EREG: variants seen among roughly 807,000 people sequenced by gnomAD.
EREG encodes the protein proepiregulin.
In EREG, 23 loss-of-function variants were observed where a neutral mutation model predicts 22.4. The observed-to-expected ratio is 1.03, with a 90% CI of 0.74 to 1.46. EREG has a LOEUF of 1.46. Among genes scored for constraint, EREG ranks in the 40% most tolerant of loss-of-function variants. EREG has a pLI of 0.00. For synonymous variants in EREG, 100 were observed against 75.4 expected, an observed-to-expected ratio of 1.33 and a Z score of -1.69; for missense variants, 226 against 205.9, an observed-to-expected ratio of 1.10 and a Z score of -0.60.
intron 1 of EREG, among the ~76,000 whole-genome samples, chr4:74,372,304 G>A (rs1436784301): frequency 6.6e-6 from 1 of 152,182 alleles, no homozygotes; most frequent in South Asian, 2.1e-4. Context: ...AATTAATTTC[G>A]AGTCTTTTGA....
intron 1 of EREG, among the ~76,000 whole-genome samples, chr4:74,367,860 C>A (rs1752213681): frequency 6.6e-6 from 1 of 152,136 alleles, no homozygotes; most frequent in Admixed American, 6.6e-5. Flanking sequence ...GTGTCTGATT[C>A]AGCACTAAGA....
At position 74,386,563 on chromosome 4, in the gene EREG, T is replaced by C. The variant is rs1465915824; in HGVS notation, c.*1755T>C. On this transcript the variant is annotated 3_prime_UTR_variant, in exon 5 of 5. Transcript: ENST00000244869. ...TTTGGTGCTCTGCTAACCATTTATATAAAACTTAAAAACAAGAGAAAAGAA... is the reference window on the plus strand; with the variant it reads ...TTTGGTGCTCTGCTAACCATTTATACAAAACTTAAAAACAAGAGAAAAGAA... 2 of 152,206 alleles carry C rather than the reference T, an allele frequency of 1.3e-5. No individual in the cohort carries two copies. Among genetic ancestry groups the C allele is most frequent in the African/African-American group, 4.8e-5 (2 of 41,448 alleles). The allele number at this position is 152,206 out of a possible 1,614,324, so 9.4% of individuals were successfully genotyped here. A position where few individuals can be genotyped will look rare whatever the true frequency, so the allele number is the denominator to read the frequency against.
intron 3 of EREG, chr4:74,381,566 A>C (rs1752475405): frequency 4.6e-5 from 7 of 152,552 alleles, no homozygotes; most frequent in Admixed American, 4.6e-4. Context: ...TTTAAATTGC[A>C]CACATATGTC....
chr4:74,384,363 GT>G (rs1405798803), intron 4 of EREG, among the ~76,000 whole-genome samples: 1 of 151,926 alleles, frequency 6.6e-6, no homozygotes, highest in Admixed American at 6.6e-5. Flanking sequence ...AGCATGATTT[GT>G]AAATATTCAT....
intron 2 of EREG, 69 bp from the exon 3 acceptor site, chr4:74,380,945 G>C (rs1752462919): frequency 1.3e-6 from 2 of 1,535,418 alleles, no homozygotes; most frequent in Middle Eastern, 1.7e-4. Context: ...AGTGGTTACT[G>C]TTATGAAAGA....
Position 74,384,753 on chromosome 4 carries a change from C to T in EREG, c.455C>T (p.Pro152Leu), listed in dbSNP as rs892135942. The T allele has an allele frequency of 6.2e-6, 10 of 1,611,780 alleles. No homozygotes were observed. The African/African-American group carries it at 1.2e-4, about 19-fold the overall frequency. ...TACAGAAATCGAAAAAGTAAAGAAC[C>T]AAAGAAGGAATATGAGAGAGTTACC... ...RWYRNRKSKE[P>L]KKEYERVTSG... The change falls in exon 5 of 5, where the codon CCA becomes CTA. Residue 152 changes from proline to leucine, a missense_variant. Coordinates refer to ENST00000244869, the MANE Select transcript of EREG (RefSeq NM_001432.3).
At chr4:74,373,716 A>G (rs2110385330) in intron 1 of EREG, among the ~76,000 whole-genome samples, 1 of 148,632 alleles carries the variant, frequency 6.7e-6, no homozygotes, top group South Asian at 2.1e-4. Flanking sequence ...ATGTATGTAT[A>G]TATATAAGTA....
intron 3 of EREG, 162 bp from the exon 4 acceptor site, chr4:74,382,483 C>G (rs550917962): frequency 4.5e-4 from 248 of 545,896 alleles, no homozygotes; most frequent in Non-Finnish European, 6.4e-4. Flanking sequence ...GCCCTTTTAT[C>G]ATTACTGGTC....
intron 2 of EREG, among the ~76,000 whole-genome samples, 193 bp downstream of exon 2, chr4:74,379,727 G>A (rs921822584): frequency 1.2e-4 from 18 of 152,108 alleles, no homozygotes; most frequent in Non-Finnish European, 2.1e-4. Flanking sequence ...GAGAGGGACC[G>A]GATAAATTAT....
At chr4:74,379,659 T>C in intron 2 of EREG, 125 bp downstream of exon 2, 1 of 561,302 alleles carries the variant, frequency 1.8e-6, no homozygotes, top group Non-Finnish European at 3.2e-6. Flanking sequence ...TATATTACTT[T>C]TTAAATCACC....
At chr4:74,375,905 A>G (rs950264845) in intron 1 of EREG, among the ~76,000 whole-genome samples, 10 of 152,344 alleles carry the variant, frequency 6.6e-5, no homozygotes, top group Admixed American at 4.6e-4. Context: ...TTAAAATTAT[A>G]TACGATTCCA....
intron 1 of EREG, among the ~76,000 whole-genome samples, chr4:74,377,002 G>T (rs1261457101): frequency 1.3e-5 from 2 of 151,988 alleles, no homozygotes; most frequent in African/African-American, 2.4e-5. Context: ...TAAAATTCTT[G>T]TATTACACGA....
chr4:74,382,844 A>G (rs756017924), intron 4 of EREG, 50 bp downstream of exon 4: 3 of 1,375,080 alleles, frequency 2.2e-6, no homozygotes, highest in Admixed American at 3.8e-5. Context: ...CTTTTACATA[A>G]TGCAGACCTA....
intron 4 of EREG, 29 bp downstream of exon 4, chr4:74,382,823 T>A: frequency 6.4e-7 from 1 of 1,571,008 alleles, no homozygotes; most frequent in Non-Finnish European, 8.7e-7. Flanking sequence ...ATACTCTGCT[T>A]TTACAAATTA....
rs766850408 is a variant in EREG at position 74,382,780 on chromosome 4, T to C, written c.414T>C (p.Tyr138=). 2 of 1,612,752 alleles carry C rather than the reference T, an allele frequency of 1.2e-6. No homozygotes were observed. The highest frequency in any genetic ancestry group is 1.7e-6 in the Non-Finnish European group (2 of 1,179,460). The change falls in exon 4 of 5, where the codon TAT becomes TAC. Residue 138 remains tyrosine, a synonymous_variant. Transcript: ENST00000244869. ...LFLITVVGST[Y]YFCRWYRNRK... Reference sequence around the variant, plus strand: ...TTATCACAGTCGTCGGTTCCACATATTATTTCTGCAGATGGTAAGTCAGTG... The same window carrying C: ...TTATCACAGTCGTCGGTTCCACATACTATTTCTGCAGATGGTAAGTCAGTG...
chr4:74,365,429 A>G (rs1219362468), intron 1 of EREG, 54 bp downstream of exon 1: 1 of 1,518,030 alleles, frequency 6.6e-7, no homozygotes. Flanking sequence ...CAAATAAGGA[A>G]GGCTCCTGTG....
intron 1 of EREG, among the ~76,000 whole-genome samples, chr4:74,369,394 T>TCATAGTACA (rs1490944177): frequency 1.3e-5 from 2 of 150,854 alleles, no homozygotes; most frequent in African/African-American, 4.9e-5. Flanking sequence ...TACATAGTAC[T>TCATAGTACA]CATAGTACAC....
chr4:74,375,323 T>C (rs1241043009), intron 1 of EREG, among the ~76,000 whole-genome samples: 2 of 128,630 alleles, frequency 1.6e-5, no homozygotes, highest in Admixed American at 7.9e-5. Flanking sequence ...TTTTTTTTTT[T>C]TTTTTTTTTT....
chr4:74,369,682 C>T (rs1560596364), intron 1 of EREG, among the ~76,000 whole-genome samples: 1 of 152,080 alleles, frequency 6.6e-6, no homozygotes, highest in Non-Finnish European at 1.5e-5. Flanking sequence ...CACACACACA[C>T]ATCTTTATAT....
Sources: gnomAD v4.1 joint callset for allele counts (sites outside exome capture counted in the v4.1 genomes callset) on GRCh38, gnomAD v4.1.1 for gene constraint, MANE v1.5 for transcripts, NCBI Gene and HGNC (gene_info 2026-07-23, HGNC 2026-07-21) for gene names.